Variants in IL26 observed in about 807,000 individuals in gnomAD.
The protein encoded by IL26 is interleukin 26.
IL26 carries 23 observed loss-of-function variants against 21.7 expected under a neutral mutation model. The observed-to-expected ratio is 1.06, with a 90% CI of 0.76 to 1.50. The LOEUF is 1.50. Ranked by LOEUF, IL26 falls within the 40% of genes most tolerant of loss-of-function variation. The pLI is 0.00. For missense variants in IL26, 204 were observed against 196.0 expected, an observed-to-expected ratio of 1.04 and a Z score of -0.24; for synonymous variants, 63 against 67.8, an observed-to-expected ratio of 0.93 and a Z score of 0.34.
rs1272284635 is a variant in IL26, at chr12:68,224,077, GA to G, written c.363+1071del. Reference sequence around the variant, plus strand: ...AATGGCCCAGTGTTTAAGTCTCAGTGACCATGATGCCCAGGATGAAGAGCTC... The same window carrying G: ...AATGGCCCAGTGTTTAAGTCTCAGTGCCATGATGCCCAGGATGAAGAGCTC... On this transcript the variant is annotated intron_variant, in intron 3 of 4. Coordinates refer to ENST00000229134, the MANE Select transcript of IL26 (RefSeq NM_018402.2). 6.0e-5 allele frequency among the ~76,000 whole-genome samples: 9 copies of G among 148,994 alleles called. No homozygotes were observed. In the East Asian group the frequency reaches 1.2e-3, roughly 19 times the overall value.
chr12:68,225,114 G>A, intron 3 of IL26, 35 bp downstream of exon 3: 15 of 1,565,802 alleles, frequency 9.6e-6, no homozygotes, highest in Non-Finnish European at 1.3e-5. Context: ...CAGGTTTCTA[G>A]GATCAAATGC....
chr12:68,202,172 G>A, intron 3 of IL26, 89 bp from the exon 4 acceptor site: 2 of 841,574 alleles, frequency 2.4e-6, no homozygotes, highest in African/African-American at 1.7e-5. Flanking sequence ...TATAGAGCAG[G>A]TATTATGTGC....
In IL26 at chr12:68,225,204, T is replaced by A. The variant is rs1056759129; in HGVS notation, c.308A>T (p.Lys103Met). The A allele has an allele frequency of 3.1e-6, 5 of 1,613,872 alleles. No individual in the cohort carries two copies. Among genetic ancestry groups the A allele is most frequent in the Non-Finnish European group, 4.2e-6 (5 of 1,179,934 alleles). The change falls in exon 3 of 5, where the codon AAG becomes ATG. Residue 103 changes from lysine to methionine, a missense_variant. By Grantham distance (95) the Lys-to-Met change is moderately conservative. Transcript: ENST00000229134. ...AAAGTCCTCCACAAAGCGTATTTTC[T>A]TGCAGCCTTGCAATTGCAGTTGACC... is the stretch of plus-strand genomic sequence containing the variant. ...VFGQLQLQGCKKIRFVEDFHS... is the reference protein window; with the variant it reads ...VFGQLQLQGCMKIRFVEDFHS...
intron 3 of IL26, among the ~76,000 whole-genome samples, chr12:68,203,242 C>A (rs561937382): frequency 6.6e-6 from 1 of 152,028 alleles, no homozygotes; most frequent in Admixed American, 6.6e-5. Context: ...ATCACCTGGG[C>A]GTCAAACAGG....
chr12:68,204,141 A>ATTTTTTCTTTTTTTTTT, intron 3 of IL26, among the ~76,000 whole-genome samples: 1 of 113,196 alleles, frequency 8.8e-6, no homozygotes, highest in South Asian at 2.8e-4. Context: ...GGATTCAAAG[A>ATTTTTTCTTTTTTTTTT]TTTTTTTTTT....
chr12:68,209,328 A>C (rs930538811), intron 3 of IL26, among the ~76,000 whole-genome samples: 3 of 152,330 alleles, frequency 2.0e-5, no homozygotes, highest in African/African-American at 7.2e-5. Flanking sequence ...GTGATCAAAC[A>C]AAGAAACAGG....
chr12:68,213,144 A>G (rs1379243323), intron 3 of IL26, among the ~76,000 whole-genome samples: 2 of 150,880 alleles, frequency 1.3e-5, no homozygotes, highest in Non-Finnish European at 2.9e-5. Context: ...AAATGATCAT[A>G]TGGTTTTTGT....
chr12:68,201,895 G>C lies in IL26; in HGVS notation c.466C>G (p.Leu156Val). Reference protein sequence around the residue: ...NKGIYKAISELDILLSWIKKL... With the variant: ...NKGIYKAISEVDILLSWIKKL... Reference sequence around the variant, plus strand: ...TTAATCCAGGAAAGAAGAATATCCAGTTCACTGATGGCTTTGTAGATTCCT... The same window carrying C: ...TTAATCCAGGAAAGAAGAATATCCACTTCACTGATGGCTTTGTAGATTCCT... Residue 156 changes from leucine (L) to valine (V), a missense_variant, in exon 5 of 5, where the codon CTG (leucine) becomes GTG (valine). Coordinates refer to ENST00000229134, the MANE Select transcript of IL26 (RefSeq NM_018402.2). The C allele has an allele frequency of 6.2e-7, 1 of 1,605,810 alleles. No individual in the cohort carries two copies. The highest frequency in any genetic ancestry group is 8.5e-7 in the Non-Finnish European group (1 of 1,177,576).
chr12:68,201,780 A>C lies in IL26; in HGVS notation c.*65T>G. 2 of 1,120,196 alleles carry C rather than the reference A, an allele frequency of 1.8e-6. No individual in the cohort carries two copies. Among genetic ancestry groups the C allele is most frequent in the Non-Finnish European group, 2.6e-6 (2 of 772,876 alleles). The allele number at this position is 1,120,196 out of a possible 1,614,324, so 69.4% of individuals were successfully genotyped here. ...TTTTAAAAGAAATAGACTGTTATAA[A>C]CATATTTCTAGCAGTTCTTATTGTA... On this transcript the variant is annotated 3_prime_UTR_variant, in exon 5 of 5. Coordinates refer to ENST00000229134, the MANE Select transcript of IL26 (RefSeq NM_018402.2).
chr12:68,223,892 T>TTTTTTTTTTTTG, intron 3 of IL26, among the ~76,000 whole-genome samples: 1 of 151,162 alleles, frequency 6.6e-6, no homozygotes, highest in Non-Finnish European at 1.5e-5. Flanking sequence ...TGGTTTTTTT[T>TTTTTTTTTTTTG]TTTTTTTTTT....
rs950920442 is a variant in IL26, at chr12:68,201,524, C to G, written c.*321G>C. 4.6e-6 allele frequency: 1 copy of G among 217,014 alleles called. No individual in the cohort carries two copies. The highest frequency in any genetic ancestry group is 5.4e-5 in the Admixed American group (1 of 18,614). The allele number at this position is 217,014 out of a possible 1,614,324, so 13.4% of individuals were successfully genotyped here. ...AATCTGTCATTCCCCCTCCACCCCC[C>G]ACATCCCACTCCACACACAAATATT... On this transcript the variant is annotated 3_prime_UTR_variant, in exon 5 of 5. Transcript: ENST00000229134.
chr12:68,214,819 A>G (rs1275494036), intron 3 of IL26, among the ~76,000 whole-genome samples: 1 of 149,930 alleles, frequency 6.7e-6, no homozygotes, highest in African/African-American at 2.4e-5. Context: ...AATTTAGTCC[A>G]CTTACATTCA....
intron 3 of IL26, 33 bp downstream of exon 3, chr12:68,225,116 A>T (rs774220453): frequency 5.1e-6 from 8 of 1,569,674 alleles, no homozygotes; most frequent in Non-Finnish European, 6.9e-6. Context: ...GGTTTCTAGG[A>T]TCAAATGCAC....
intron 2 of IL26, 26 bp from the exon 3 acceptor site, chr12:68,225,309 A>G: frequency 6.3e-7 from 1 of 1,596,334 alleles, no homozygotes; most frequent in South Asian, 1.1e-5. Context: ...AAGAAATTGC[A>G]TATGGTAAAT....
intron 3 of IL26, among the ~76,000 whole-genome samples, chr12:68,217,072 G>T (rs1592899479): frequency 6.7e-6 from 1 of 150,104 alleles, no homozygotes; most frequent in East Asian, 1.9e-4. Context: ...TAAACATAAA[G>T]AAGTTTACAT....
chr12:68,216,794 C>A (rs1868897690), intron 3 of IL26, among the ~76,000 whole-genome samples: 1 of 152,220 alleles, frequency 6.6e-6, no homozygotes, highest in South Asian at 2.1e-4. Flanking sequence ...TTACATGCAA[C>A]CGACATGAAG....
chr12:68,223,138 C>G lies in IL26; in HGVS notation c.363+2011G>C, dbSNP rs1171160003. Among the ~76,000 whole-genome samples the G allele has an allele frequency of 3.3e-5, 5 of 152,318 alleles. No homozygotes were observed. In the East Asian group the frequency reaches 7.7e-4, roughly 23 times the overall value. ...CAGTCTTTCTAACGCTCAGGCCAAT[C>G]CTGCCGCTTTATGTTTCACGGGGGA... is the stretch of plus-strand genomic sequence containing the variant. On this transcript the variant is annotated intron_variant, in intron 3 of 4. Coordinates refer to ENST00000229134, the MANE Select transcript of IL26 (RefSeq NM_018402.2).
chr12:68,224,938 G>T (rs1244751568), intron 3 of IL26, among the ~76,000 whole-genome samples: 1 of 152,126 alleles, frequency 6.6e-6, no homozygotes, highest in East Asian at 1.9e-4. Flanking sequence ...TGTTTTATGA[G>T]CCATTCTTTA....
chr12:68,206,834 G>A (rs929832925), intron 3 of IL26, among the ~76,000 whole-genome samples: 3 of 152,142 alleles, frequency 2.0e-5, no homozygotes, highest in Non-Finnish European at 4.4e-5. Context: ...AATGGCATCT[G>A]GGAACTTGTC....
Sources: gnomAD v4.1 joint callset for allele counts (sites outside exome capture counted in the v4.1 genomes callset) on GRCh38, gnomAD v4.1.1 for gene constraint, MANE v1.5 for transcripts, NCBI Gene and HGNC (gene_info 2026-07-23, HGNC 2026-07-21) for gene names.